Variants in TMEM82 observed in about 807,000 individuals in gnomAD.
The protein encoded by TMEM82 is transmembrane protein 82.
In TMEM82, 30 loss-of-function variants were observed where a neutral mutation model predicts 29.2. That is an observed-to-expected ratio of 1.03 (90% CI 0.77 to 1.39). The LOEUF is 1.39. Among genes scored for constraint, TMEM82 ranks in the 40% most tolerant of loss-of-function variants. The pLI is 0.00. For missense variants in TMEM82, 442 were observed against 447.7 expected (o/e 0.99, Z 0.12); for synonymous variants, 221 against 225.4 (o/e 0.98, Z 0.18).
Position 15,742,507 on chromosome 1 carries a change from G to C in TMEM82, c.-53G>C, listed in dbSNP as rs764991241. ...ACCGACACCTTTGCCCAGTGACGTTGGTCTGTCCTTACGCAGACCTGGCCG... is the reference window on the plus strand; with the variant it reads ...ACCGACACCTTTGCCCAGTGACGTTCGTCTGTCCTTACGCAGACCTGGCCG... On this transcript the variant is annotated 5_prime_UTR_variant, in exon 1 of 6. Transcript: ENST00000375782. 1 of 1,378,808 alleles carries C rather than the reference G, an allele frequency of 7.3e-7. No homozygotes were observed. The highest frequency in any genetic ancestry group is 9.7e-7 in the Non-Finnish European group (1 of 1,029,926). The allele number at this position is 1,378,808 out of a possible 1,614,324, so 85.4% of individuals were successfully genotyped here.
chr1:15,747,570 G>C lies in TMEM82; in HGVS notation c.970G>C (p.Val324Leu), dbSNP rs577889634. ...IQDFPSQRPP[V>L]STPSQPLPSA... The stretch of plus-strand genomic sequence containing the variant: ...GGATTTTCCATCCCAGAGGCCTCCA[G>C]TGTCAACACCAAGCCAGCCCCTGCC... Residue 324 changes from valine (V) to leucine (L), a missense_variant, in exon 6 of 6, where the codon GTG becomes CTG. By Grantham distance (32) the Val-to-Leu change is conservative. Coordinates refer to ENST00000375782, the MANE Select transcript of TMEM82 (RefSeq NM_001013641.3). 1 of 1,614,082 alleles carries C rather than the reference G, an allele frequency of 6.2e-7. No homozygotes were observed. Among genetic ancestry groups the C allele is most frequent in the South Asian group, 1.1e-5 (1 of 91,078 alleles).
chr1:15,745,527 G>GAGAGAA (rs1198641003), intron 4 of TMEM82, among the ~76,000 whole-genome samples: 1 of 114,930 alleles, frequency 8.7e-6, no homozygotes, highest in Non-Finnish European at 1.7e-5. Context: ...AAGAAAGAAA[G>GAGAGAA]AGAGAAAGAG....
At chr1:15,742,724 C>A in intron 1 of TMEM82, 77 bp downstream of exon 1, 1 of 1,523,130 alleles carries the variant, frequency 6.6e-7, no homozygotes, top group South Asian at 1.2e-5. Context: ...CCCCACCCAC[C>A]TGGTCTCCCG....
Position 15,744,107 on chromosome 1 carries a change from A to G in TMEM82, c.337-53A>G. Reference sequence around the variant, plus strand: ...GCTCCGGCTTCCTGTGGTGGGCAGCACCTGTGGTGAGGCAGCCCCCACATC... The same window carrying G: ...GCTCCGGCTTCCTGTGGTGGGCAGCGCCTGTGGTGAGGCAGCCCCCACATC... On this transcript the variant is annotated intron_variant, in intron 3 of 5. Transcript: ENST00000375782. The surrounding 1 kb of genome is among the most constrained non-coding windows in gnomAD (Gnocchi z 5.2). The G allele has an allele frequency of 6.9e-7, 1 of 1,443,320 alleles. No homozygotes were observed. Among genetic ancestry groups the G allele is most frequent in the Non-Finnish European group, 9.1e-7 (1 of 1,097,938 alleles). The allele number at this position is 1,443,320 out of a possible 1,614,324, so 89.4% of individuals were successfully genotyped here. A position where few individuals can be genotyped will look rare whatever the true frequency, so the allele number is the denominator to read the frequency against.
In TMEM82 at chr1:15,742,905, C is replaced by T; in HGVS notation, c.159C>T (p.Ala53=). The change falls in exon 2 of 6, where the codon GCC becomes GCT. Residue 53 remains alanine (A), a splice_region_variant and synonymous_variant. Coordinates refer to ENST00000375782, the MANE Select transcript of TMEM82 (RefSeq NM_001013641.3). ...LLKVYFFVGC[A]NDPQRRPEKE... ...AAGTTTACTTCTTCGTGGGCTGTGC[C>T]AAGTGAGTGCCCACCTCATCCCCCC... The T allele has an allele frequency of 1.2e-6, 2 of 1,612,860 alleles. No homozygotes were observed. Among genetic ancestry groups the T allele is most frequent in the African/African-American group, 1.3e-5 (1 of 75,044 alleles).
rs759610495 is a variant in TMEM82, at chr1:15,744,351, C to A, written c.528C>A (p.Arg176=). Residue 176 remains arginine (R), a synonymous_variant, in exon 4 of 6, where the codon CGC becomes CGA. Transcript: ENST00000375782. This position sits in a 1 kb window ranked among gnomAD's most constrained non-coding sequence, Gnocchi z 5.2. ...GGCGCCTCCACCGCCACGTCTGCCG[C>A]CTCTACGAGCTGCACAGCAGCCAGC... is the stretch of plus-strand genomic sequence containing the variant. ...GARRLHRHVC[R]LYELHSSQRY... The A allele has an allele frequency of 2.6e-6, 4 of 1,547,748 alleles. No homozygotes were observed. In the South Asian group the frequency reaches 4.7e-5, roughly 18 times the overall value.
intron 4 of TMEM82, 79 bp from the exon 5 acceptor site, chr1:15,746,788 T>C (rs758334806): frequency 1.1e-5 from 14 of 1,258,178 alleles, no homozygotes; most frequent in East Asian, 2.6e-5. Flanking sequence ...AGGCTCATCC[T>C]GTGGAGGGTG....
intron 3 of TMEM82, 146 bp downstream of exon 3, chr1:15,743,340 T>C: frequency 9.2e-7 from 1 of 1,088,326 alleles, no homozygotes; most frequent in Non-Finnish European, 1.3e-6. Flanking sequence ...GGCTGCAGGT[T>C]GCACCTTTGG....
In TMEM82 at chr1:15,743,031, G is replaced by T; in HGVS notation, c.173G>T (p.Arg58Leu). The stretch of plus-strand genomic sequence containing the variant: ...TTCTGTCCCCAAAGTGACCCGCAGC[G>T]GCGACCCGAAAAGGAGCGGCTTCGG... ...FFVGCANDPQ[R>L]RPEKERLRAQ... Residue 58 changes from arginine (R) to leucine (L), a missense_variant, in exon 3 of 6, where the codon CGG becomes CTG. Transcript: ENST00000375782. The T allele has an allele frequency of 6.3e-7, 1 of 1,599,008 alleles. No individual in the cohort carries two copies. The highest frequency in any genetic ancestry group is 1.1e-5 in the South Asian group (1 of 89,022).
Position 15,744,446 on chromosome 1 carries a change from T to C in TMEM82, c.623T>C (p.Leu208Pro), listed in dbSNP as rs905846755. The part of the protein sequence containing the change: ...HGLPQLLGRA[L>P]AIAFAVGDLA... ...CTCCCCCAGCTGCTGGGCCGTGCCC[T>C]GGCCATAGCCTTTGCCGTGGGTGAC... The change falls in exon 4 of 6, where the codon CTG (leucine) becomes CCG (proline). Residue 208 changes from leucine to proline, a missense_variant. Physicochemically the swap from Leu to Pro is moderately conservative, Grantham distance 98. Transcript: ENST00000375782. This position sits in a 1 kb window ranked among gnomAD's most constrained non-coding sequence, Gnocchi z 5.2. 1 of 1,604,266 alleles carries C rather than the reference T, an allele frequency of 6.2e-7. No individual in the cohort carries two copies. Among genetic ancestry groups the C allele is most frequent in the East Asian group, 2.2e-5 (1 of 44,646 alleles).
chr1:15,746,607 G>A (rs1300170493), intron 4 of TMEM82, among the ~76,000 whole-genome samples: 3 of 152,090 alleles, frequency 2.0e-5, no homozygotes, highest in East Asian at 1.9e-4. Flanking sequence ...GAGTCAGACC[G>A]ACTCCTGCCA....
intron 4 of TMEM82, among the ~76,000 whole-genome samples, chr1:15,745,434 G>C (rs994050900): frequency 6.6e-6 from 1 of 151,912 alleles, no homozygotes; most frequent in Admixed American, 6.6e-5. Context: ...CACAAGAATC[G>C]CTTGAACCCA....
rs2068321450 is a variant in TMEM82 at position 15,744,644 on chromosome 1, G to C, written c.757+64G>C. On this transcript the variant is annotated intron_variant, in intron 4 of 5. Coordinates refer to ENST00000375782, the MANE Select transcript of TMEM82 (RefSeq NM_001013641.3). This position sits in a 1 kb window ranked among gnomAD's most constrained non-coding sequence, Gnocchi z 5.2. ...ATCCCTCTGTCTGGGTCAGGCTCCG[G>C]GGAGGCCGAGAGCCATCAGCCCTCA... 2.7e-6 allele frequency: 4 copies of C among 1,492,382 alleles called. No individual in the cohort carries two copies. Among genetic ancestry groups the C allele is most frequent in the Non-Finnish European group, 3.6e-6 (4 of 1,114,970 alleles). The allele number at this position is 1,492,382 out of a possible 1,614,324, so 92.4% of individuals were successfully genotyped here.
Position 15,742,643 on chromosome 1 carries a change from G to T in TMEM82, c.84G>T (p.Leu28=). Residue 28 remains leucine (L), a synonymous_variant, in exon 1 of 6, where the codon CTG becomes CTT. Transcript: ENST00000375782. The stretch of plus-strand genomic sequence containing the variant: ...GCTCTAGCCTCCTTGACTCCCTCCT[G>T]CAAGGTGAGCACCTCGCCCCATTCC... ...EWGSSLLDSL[L]QGLIGALGVL... is the part of the protein sequence containing the mutation. The T allele has an allele frequency of 6.2e-7, 1 of 1,608,672 alleles. No homozygotes were observed. The highest frequency in any genetic ancestry group is 8.5e-7 in the Non-Finnish European group (1 of 1,179,208).
chr1:15,747,610 C>T lies in TMEM82; in HGVS notation c.1010C>T (p.Ser337Phe), dbSNP rs371025105. ...CAGCCCCTGCCCTCGGCACCCCAGT[C>T]CCAGAGTTCGGCCCCCTCTTGACCT... is the stretch of plus-strand genomic sequence containing the variant. ...PSQPLPSAPQ[S>F]QSSAPS Residue 337 changes from serine to phenylalanine, a missense_variant, in exon 6 of 6, where the codon TCC (serine) becomes TTC (phenylalanine). By Grantham distance (155) the Ser-to-Phe change is radical. Coordinates refer to ENST00000375782, the MANE Select transcript of TMEM82 (RefSeq NM_001013641.3). 1 of 1,614,120 alleles carries T rather than the reference C, an allele frequency of 6.2e-7. No individual in the cohort carries two copies. Among genetic ancestry groups the T allele is most frequent in the Middle Eastern group, 1.7e-4 (1 of 6,058 alleles).
intron 4 of TMEM82, among the ~76,000 whole-genome samples, chr1:15,746,584 G>A (rs1189712135): frequency 6.6e-6 from 1 of 151,950 alleles, no homozygotes; most frequent in East Asian, 1.9e-4. Flanking sequence ...AGGCGGGTGT[G>A]CGGAAAAGAA....
chr1:15,747,111 A>G, intron 5 of TMEM82, 57 bp downstream of exon 5: 7 of 1,552,782 alleles, frequency 4.5e-6, no homozygotes, highest in East Asian at 2.3e-5. Context: ...CAAACAGCCC[A>G]GGAGCCTCAA....
At chr1:15,745,892 CAA>C (rs914390608) in intron 4 of TMEM82, among the ~76,000 whole-genome samples, 22 of 86,312 alleles carry the variant, frequency 2.5e-4, no homozygotes, top group Admixed American at 2.7e-4. Context: ...CCATCTCAAA[CAA>C]AAAAAAAAAA....
At position 15,744,686 on chromosome 1, in the gene TMEM82, G is replaced by A; in HGVS notation, c.757+106G>A. ...CAGCCCTCACTCTTGCCATCCCAGA[G>A]AGCCTGGTCAGGACAGAGGCTGTGT... is the stretch of plus-strand genomic sequence containing the variant. On this transcript the variant is annotated intron_variant, in intron 4 of 5. Coordinates refer to ENST00000375782, the MANE Select transcript of TMEM82 (RefSeq NM_001013641.3). This position sits in a 1 kb window ranked among gnomAD's most constrained non-coding sequence, Gnocchi z 5.2. 7.4e-7 allele frequency: 1 copy of A among 1,358,194 alleles called. No homozygotes were observed. The highest frequency in any genetic ancestry group is 1.5e-5 in the African/African-American group (1 of 68,396). The allele number at this position is 1,358,194 out of a possible 1,614,324, so 84.1% of individuals were successfully genotyped here.
Sources: allele counts gnomAD v4.1 joint callset (sites outside exome capture counted in the v4.1 genomes callset), GRCh38; gene constraint gnomAD v4.1.1; non-coding constraint Gnocchi (gnomAD v3.1); transcripts MANE v1.5; gene names NCBI Gene and HGNC (gene_info 2026-07-23, HGNC 2026-07-21).